GALNT10: variants seen among roughly 807,000 people sequenced by gnomAD.
GALNT10 encodes the protein polypeptide N-acetylgalactosaminyltransferase 10.
GALNT10 carries 41 observed loss-of-function variants against 75.0 expected under a neutral mutation model. The observed-to-expected ratio is 0.55, with a 90% CI of 0.43 to 0.71. The LOEUF (loss-of-function observed/expected upper bound fraction) is 0.71. GALNT10 is among the 30% of genes least tolerant of loss of function. The pLI is 0.00. For missense variants in GALNT10, 727 were observed against 818.5 expected (o/e 0.89, Z 1.36); for synonymous variants, 302 against 313.0 (o/e 0.96, Z 0.37).
chr5:154,289,105 TG>T (rs1167600154), intron 1 of GALNT10, among the ~76,000 whole-genome samples: 1 of 152,188 alleles, frequency 6.6e-6, no homozygotes, highest in Non-Finnish European at 1.5e-5. Context: ...CCTCCAAACA[TG>T]GTTATCACAA....
chr5:154,238,652 G>A lies in GALNT10; in HGVS notation c.159+47627G>A, dbSNP rs116192767. On this transcript the variant is annotated intron_variant, in intron 1 of 11. Transcript: ENST00000297107. ...GAAGGCAAGTCCCTGCTCTCTGGAC[G>A]CAGAGCTGCACAGAGGCTGCCGTGG... is the stretch of plus-strand genomic sequence containing the variant. Among the ~76,000 whole-genome samples the A allele has an allele frequency of 9.8e-3, 1,485 of 152,294 alleles. 24 individuals are homozygous for A. Among genetic ancestry groups the A allele is most frequent in the African/African-American group, 0.034 (1,406 of 41,552 alleles).
intron 1 of GALNT10, among the ~76,000 whole-genome samples, chr5:154,191,266 C>T (rs887099249): frequency 6.6e-6 from 1 of 152,210 alleles, no homozygotes; most frequent in Non-Finnish European, 1.5e-5. Context: ...CATGTTACCA[C>T]CTTCCTTTCT....
At chr5:154,242,401 G>C (rs1036783554) in intron 1 of GALNT10, among the ~76,000 whole-genome samples, 10 of 152,106 alleles carry the variant, frequency 6.6e-5, no homozygotes, top group Non-Finnish European at 1.0e-4. Flanking sequence ...GAGAATTGCT[G>C]GTCTGAGCCT....
chr5:154,328,946 C>T (rs1754800148), intron 3 of GALNT10, among the ~76,000 whole-genome samples: 1 of 152,124 alleles, frequency 6.6e-6, no homozygotes, highest in African/African-American at 2.4e-5. Flanking sequence ...TCATGATCTC[C>T]AGCTCCTGTC....
chr5:154,249,963 C>T (rs1391501471), intron 1 of GALNT10, among the ~76,000 whole-genome samples: 1 of 152,176 alleles, frequency 6.6e-6, no homozygotes, highest in African/African-American at 2.4e-5. Context: ...GACCCTGTGC[C>T]AGAAATCTGA....
intron 3 of GALNT10, among the ~76,000 whole-genome samples, chr5:154,327,149 G>T (rs1015472405): frequency 1.3e-5 from 2 of 152,078 alleles, no homozygotes; most frequent in African/African-American, 4.8e-5. Context: ...CTGGGAGATG[G>T]AGGTTGCATT....
chr5:154,200,543 A>C (rs1561626354), intron 1 of GALNT10, among the ~76,000 whole-genome samples: 1 of 152,036 alleles, frequency 6.6e-6, no homozygotes, highest in South Asian at 2.1e-4. Context: ...AGTATTGATC[A>C]GAGTCAGCTG....
At chr5:154,330,908 G>GGT (rs370103391) in intron 4 of GALNT10, among the ~76,000 whole-genome samples, 2,616 of 126,018 alleles carry the variant, frequency 0.021, 36 homozygotes, top group Admixed American at 0.031. Context: ...AGACAGAGAG[G>GGT]GTGTGTGTGT....
intron 1 of GALNT10, among the ~76,000 whole-genome samples, chr5:154,206,163 C>T (rs1172247537): frequency 6.6e-6 from 1 of 152,200 alleles, no homozygotes; most frequent in African/African-American, 2.4e-5. Context: ...AAAAGATCCT[C>T]TCTTTCTGTG....
At chr5:154,270,040 C>T (rs1303883474) in intron 1 of GALNT10, among the ~76,000 whole-genome samples, 1 of 152,040 alleles carries the variant, frequency 6.6e-6, no homozygotes, top group Non-Finnish European at 1.5e-5. Flanking sequence ...CCTTCAAAGC[C>T]AAGTGGCTTG....
At chr5:154,265,770 G>A (rs1383511980) in intron 1 of GALNT10, among the ~76,000 whole-genome samples, 1 of 152,078 alleles carries the variant, frequency 6.6e-6, no homozygotes, top group Non-Finnish European at 1.5e-5. Context: ...ACCTACCCCA[G>A]TTTGCAAGCA....
chr5:154,296,515 A>G (rs1754276052), intron 2 of GALNT10, among the ~76,000 whole-genome samples: 1 of 152,224 alleles, frequency 6.6e-6, no homozygotes, highest in African/African-American at 2.4e-5. Context: ...GACATTAATA[A>G]TAATAATAAC....
At position 154,366,621 on chromosome 5, in the gene GALNT10, A is replaced by T. The variant is rs186897429; in HGVS notation, c.569-9656A>T. 1.4e-4 allele frequency among the ~76,000 whole-genome samples: 21 copies of T among 152,256 alleles called. 1 individual carries two copies. The highest frequency in any genetic ancestry group is 1.3e-3 in the Admixed American group (20 of 15,290). Reference sequence around the variant, plus strand: ...CCATAGATACCAAAAGCTCCAATACACACCTTTTCCTGGCAACTCTTATGG... The same window carrying T: ...CCATAGATACCAAAAGCTCCAATACTCACCTTTTCCTGGCAACTCTTATGG... On this transcript the variant is annotated intron_variant, in intron 4 of 11. Transcript: ENST00000297107.
chr5:154,323,899 A>C (rs1426828426), intron 3 of GALNT10, among the ~76,000 whole-genome samples: 1 of 152,166 alleles, frequency 6.6e-6, no homozygotes, highest in Admixed American at 6.5e-5. Context: ...CAGCACTGGG[A>C]ATTCCACCTT....
At chr5:154,211,892 A>G (rs951948875) in intron 1 of GALNT10, among the ~76,000 whole-genome samples, 1 of 152,184 alleles carries the variant, frequency 6.6e-6, no homozygotes, top group African/African-American at 2.4e-5. Context: ...GCAGGAAGCC[A>G]CAGTCCTTCT....
chr5:154,396,470 G>A (rs553048570), intron 7 of GALNT10, among the ~76,000 whole-genome samples: 1 of 151,928 alleles, frequency 6.6e-6, no homozygotes, highest in Non-Finnish European at 1.5e-5. Flanking sequence ...GATCTTTGAG[G>A]AAGACCATGA....
At chr5:154,355,650 G>A (rs1203349708) in intron 4 of GALNT10, among the ~76,000 whole-genome samples, 1 of 150,746 alleles carries the variant, frequency 6.6e-6, no homozygotes, top group Non-Finnish European at 1.5e-5. Flanking sequence ...TCCTATTTAT[G>A]GAGAATCTCT....
intron 4 of GALNT10, among the ~76,000 whole-genome samples, chr5:154,342,772 G>C (rs1045530824): frequency 6.6e-6 from 1 of 152,160 alleles, no homozygotes; most frequent in Non-Finnish European, 1.5e-5. Flanking sequence ...GGCCTGTGTG[G>C]ATTTATGGTC....
intron 3 of GALNT10, among the ~76,000 whole-genome samples, chr5:154,307,744 CA>C (rs1294560949): frequency 8.6e-5 from 13 of 150,992 alleles, no homozygotes; most frequent in African/African-American, 3.2e-4. Context: ...AAAGATATTA[CA>C]AAAAAAGAAT....
Sources: gnomAD v4.1 joint callset for allele counts (sites outside exome capture counted in the v4.1 genomes callset) on GRCh38, gnomAD v4.1.1 for gene constraint, MANE v1.5 for transcripts, NCBI Gene and HGNC (gene_info 2026-07-23, HGNC 2026-07-21) for gene names.